HHEX: variants seen among roughly 807,000 people sequenced by gnomAD.
HHEX encodes hematopoietically-expressed homeobox protein HHEX.
A neutral mutation model predicts 27.0 loss-of-function variants in HHEX; 8 were observed. The ratio of observed to expected loss-of-function variants is 0.30; its 90% confidence interval spans 0.17 to 0.54. The LOEUF is 0.54. Ranked by LOEUF, HHEX falls within the 20% of genes least tolerant of loss-of-function variation. The pLI, the probability that HHEX is intolerant of heterozygous loss-of-function variation, is 0.95. For synonymous variants in HHEX, 164 were observed against 161.5 expected, an observed-to-expected ratio of 1.02 and a Z score of -0.12; for missense variants, 326 against 357.2, an observed-to-expected ratio of 0.91 and a Z score of 0.70.
Position 92,692,556 on chromosome 10 carries a change from C to CG in HHEX, c.540+16dup. 1 of 1,612,800 alleles carries CG rather than the reference C, an allele frequency of 6.2e-7. No homozygotes were observed. On this transcript the variant is annotated intron_variant, in intron 2 of 3. Coordinates refer to ENST00000282728, the MANE Select transcript of HHEX (RefSeq NM_002729.5). ...GCTCAGCGAGAGACAGGTGAGCTCG[C>CG]GGGGGGCCTGGGGCCGCCTCCGGGG...
At chr10:92,693,307 G>A (rs1481296464) in intron 3 of HHEX, among the ~76,000 whole-genome samples, 1 of 152,182 alleles carries the variant, frequency 6.6e-6, no homozygotes, top group Non-Finnish European at 1.5e-5. Context: ...TTGGAAAGTA[G>A]CTTAAACTTT....
chr10:92,692,238 T>G, intron 1 of HHEX, 130 bp from the exon 2 acceptor site: 2 of 828,378 alleles, frequency 2.4e-6, no homozygotes, highest in Non-Finnish European at 3.8e-6. Context: ...CACGTGCCGG[T>G]GGGTGTATGT....
Position 92,690,226 on chromosome 10 carries a change from G to A in HHEX, c.240G>A (p.Ser80=). 6.4e-7 allele frequency: 1 copy of A among 1,569,796 alleles called. No individual in the cohort carries two copies. Among genetic ancestry groups the A allele is most frequent in the Non-Finnish European group, 8.6e-7 (1 of 1,158,486 alleles). The change falls in exon 1 of 4, where the codon TCG becomes TCA. Residue 80 remains serine (S), a synonymous_variant. Coordinates refer to ENST00000282728, the MANE Select transcript of HHEX (RefSeq NM_002729.5). ...YEPTPIHPAF[S]HHSAAALAAA... is the part of the protein sequence containing the mutation. ...CCACGCCGATCCATCCAGCCTTCTC[G>A]CACCACTCCGCCGCCGCGCTGGCCG...
Position 92,692,768 on chromosome 10 carries a change from T to C in HHEX, c.591+16T>C. 1 of 1,601,228 alleles carries C rather than the reference T, an allele frequency of 6.2e-7. No individual in the cohort carries two copies. The highest frequency in any genetic ancestry group is 8.6e-7 in the Non-Finnish European group (1 of 1,168,358). On this transcript the variant is annotated intron_variant, in intron 3 of 3. Transcript: ENST00000282728. ...ACTAAAACAGGTATGGACATGGTTC[T>C]GTTTCTATGGAAATAAATATTTTTA... is the stretch of plus-strand genomic sequence containing the variant.
intron 1 of HHEX, 23 bp downstream of exon 1, chr10:92,690,370 G>A: frequency 1.4e-6 from 2 of 1,410,024 alleles, no homozygotes; most frequent in South Asian, 3.1e-5. Context: ...GGCGAGGGTG[G>A]GGGCGAGGAA....
Position 92,695,044 on chromosome 10 carries a change from G to T in HHEX, c.*276G>T. On this transcript the variant is annotated 3_prime_UTR_variant, in exon 4 of 4. Transcript: ENST00000282728. ...TTCCCCCTTTAAAAAAACAGTTAGTGGTTTTCACTATTTATAAAAAATTAA... is the reference window on the plus strand; with the variant it reads ...TTCCCCCTTTAAAAAAACAGTTAGTTGTTTTCACTATTTATAAAAAATTAA... 2.8e-5 allele frequency: 8 copies of T among 285,912 alleles called. No homozygotes were observed. Among genetic ancestry groups the T allele is most frequent in the South Asian group, 2.2e-4 (3 of 13,676 alleles). 17.7% of individuals were successfully genotyped at this position (285,912 alleles called of 1,614,324 possible). A position where few individuals can be genotyped will look rare whatever the true frequency, so the allele number is the denominator to read the frequency against.
At chr10:92,694,331 C>G (rs554546196) in intron 3 of HHEX, among the ~76,000 whole-genome samples, 1 of 152,300 alleles carries the variant, frequency 6.6e-6, no homozygotes, top group South Asian at 2.1e-4. Context: ...TGGTTCTCAT[C>G]TTTTAAGCAT....
chr10:92,695,057 T>G lies in HHEX; in HGVS notation c.*289T>G, dbSNP rs147300243. The G allele has an allele frequency of 2.4e-3, 601 of 255,560 alleles. 2 individuals are homozygous for G. The highest frequency in any genetic ancestry group is 0.013 in the African/African-American group (577 of 44,444). The allele number at this position is 255,560 out of a possible 1,614,324, so 15.8% of individuals were successfully genotyped here. Reference sequence around the variant, plus strand: ...AAAACAGTTAGTGGTTTTCACTATTTATAAAAAATTAATTTTGAACTTTTT... The same window carrying G: ...AAAACAGTTAGTGGTTTTCACTATTGATAAAAAATTAATTTTGAACTTTTT... On this transcript the variant is annotated 3_prime_UTR_variant, in exon 4 of 4. Transcript: ENST00000282728.
rs191529741 is a variant in HHEX, at chr10:92,695,435, G to A, written c.*667G>A. On this transcript the variant is annotated 3_prime_UTR_variant, in exon 4 of 4. Coordinates refer to ENST00000282728, the MANE Select transcript of HHEX (RefSeq NM_002729.5). ...GGGATAGTACCTCCCAATTCAAGCA[G>A]AGAAACTGACCTGACTAAAGTTAAT... 2.0e-4 allele frequency: 31 copies of A among 152,756 alleles called. No homozygotes were observed. The highest frequency in any genetic ancestry group is 8.5e-4 in the Admixed American group (13 of 15,296). 9.5% of individuals were successfully genotyped at this position (152,756 alleles called of 1,614,324 possible).
intron 3 of HHEX, among the ~76,000 whole-genome samples, chr10:92,693,759 C>T (rs1388663599): frequency 6.6e-6 from 1 of 152,106 alleles, no homozygotes; most frequent in Non-Finnish European, 1.5e-5. Context: ...TGTAATATTT[C>T]TATGTAGTAT....
At chr10:92,691,629 G>T (rs1845356112) in intron 1 of HHEX, 1 of 152,354 alleles carries the variant, frequency 6.6e-6, no homozygotes, top group Non-Finnish European at 1.5e-5. Context: ...GGGCTGGAGC[G>T]GGACCCTCAG....
Position 92,690,132 on chromosome 10 carries a change from C to T in HHEX, c.146C>T (p.Pro49Leu). Residue 49 changes from proline (P) to leucine (L), a missense_variant, in exon 1 of 4, where the codon CCC becomes CTC. By Grantham distance (98) the Pro-to-Leu change is moderately conservative. This residue lies in a region of HHEX where 215 missense variants were observed against 196.4 expected (regional missense o/e 1.09). Transcript: ENST00000282728. ...GGGCCCGCCGCGCCCACGCCCGCCC[C>T]CACGCTGCCGTCCCCCAACTCCTCC... ...GRGPAAPTPA[P>L]TLPSPNSSFT... 6.5e-7 allele frequency: 1 copy of T among 1,549,156 alleles called. No individual in the cohort carries two copies. Among genetic ancestry groups the T allele is most frequent in the South Asian group, 1.2e-5 (1 of 84,010 alleles).
At chr10:92,690,451 C>CA in intron 1 of HHEX, 104 bp downstream of exon 1, 1 of 1,303,694 alleles carries the variant, frequency 7.7e-7, no homozygotes, top group Non-Finnish European at 9.9e-7. Context: ...ACGGCTGTGG[C>CA]AAAAGCGATG....
At chr10:92,692,151 G>A in intron 1 of HHEX, 1 of 545,266 alleles carries the variant, frequency 1.8e-6, no homozygotes, top group South Asian at 2.2e-5. Context: ...GTCTGTGTGT[G>A]TACAAGGCTG....
In HHEX at chr10:92,694,912, C is replaced by T. The variant is rs1017632841; in HGVS notation, c.*144C>T. The T allele has an allele frequency of 1.5e-5, 10 of 649,572 alleles. No homozygotes were observed. The highest frequency in any genetic ancestry group is 3.6e-4 in the Middle Eastern group (1 of 2,744). The allele number at this position is 649,572 out of a possible 1,614,324, so 40.2% of individuals were successfully genotyped here. A position where few individuals can be genotyped will look rare whatever the true frequency, so the allele number is the denominator to read the frequency against. On this transcript the variant is annotated 3_prime_UTR_variant, in exon 4 of 4. Transcript: ENST00000282728. ...TGGAAACCTAAAAATATTTGGTGCA[C>T]TGCTCAATTAACAAACCTACATGGA...
chr10:92,694,225 A>G (rs1015604909), intron 3 of HHEX, among the ~76,000 whole-genome samples: 1 of 152,138 alleles, frequency 6.6e-6, no homozygotes, highest in Non-Finnish European at 1.5e-5. Context: ...TCCCCCTTAA[A>G]CTTTTGAGAA....
In HHEX at chr10:92,690,208, G is replaced by T. The variant is rs1197117214; in HGVS notation, c.222G>T (p.Pro74=). Residue 74 remains proline (P), a synonymous_variant, in exon 1 of 4, where the codon CCG becomes CCT. Coordinates refer to ENST00000282728, the MANE Select transcript of HHEX (RefSeq NM_002729.5). ...PYRTPVYEPT[P]IHPAFSHHSA... is the part of the protein sequence containing the mutation. ...GGACCCCGGTGTACGAGCCCACGCC[G>T]ATCCATCCAGCCTTCTCGCACCACT... 2 of 1,574,016 alleles carry T rather than the reference G, an allele frequency of 1.3e-6. No individual in the cohort carries two copies. Among genetic ancestry groups the T allele is most frequent in the South Asian group, 1.2e-5 (1 of 85,980 alleles).
rs536760157 is a variant in HHEX, at chr10:92,692,268, G to T, written c.362-100G>T. The stretch of plus-strand genomic sequence containing the variant: ...GTATGTGAATGTGTCTGGTTGGGTG[G>T]CCTCCTGGCCTACCTTTGTCATCCC... On this transcript the variant is annotated intron_variant, in intron 1 of 3. Transcript: ENST00000282728. 3.9e-5 allele frequency: 49 copies of T among 1,242,698 alleles called. No homozygotes were observed. In the Admixed American group the frequency reaches 1.0e-3, roughly 26 times the overall value. 77.0% of individuals were successfully genotyped at this position (1,242,698 alleles called of 1,614,324 possible).
chr10:92,690,105 G>T lies in HHEX; in HGVS notation c.119G>T (p.Arg40Leu). The T allele has an allele frequency of 6.5e-7, 1 of 1,547,560 alleles. No homozygotes were observed. The highest frequency in any genetic ancestry group is 8.7e-7 in the Non-Finnish European group (1 of 1,145,654). ...TTTTACATCGAGGACATCCTGGGCCGCGGGCCCGCCGCGCCCACGCCCGCC... is the reference window on the plus strand; with the variant it reads ...TTTTACATCGAGGACATCCTGGGCCTCGGGCCCGCCGCGCCCACGCCCGCC... Reference protein sequence around the residue: ...TPFYIEDILGRGPAAPTPAPT... With the variant: ...TPFYIEDILGLGPAAPTPAPT... Residue 40 changes from arginine (R) to leucine (L), a missense_variant, in exon 1 of 4, where the codon CGC becomes CTC. This residue lies in a region of HHEX where 215 missense variants were observed against 196.4 expected (regional missense o/e 1.09). Coordinates refer to ENST00000282728, the MANE Select transcript of HHEX (RefSeq NM_002729.5).
Sources: gnomAD v4.1 joint callset for allele counts (sites outside exome capture counted in the v4.1 genomes callset) on GRCh38, gnomAD v4.1.1 for gene constraint, gnomAD v4.1.1 regional missense constraint, MANE v1.5 for transcripts, NCBI Gene and HGNC (gene_info 2026-07-23, HGNC 2026-07-21) for gene names.